ATP2C2: variants seen among roughly 807,000 people sequenced by gnomAD.
The protein encoded by ATP2C2 is ATPase secretory pathway Ca2+ transporting 2, also known as calcium-transporting ATPase type 2C member 2.
Under a neutral mutation model 110.8 loss-of-function variants are expected in ATP2C2, and 171 were observed. The observed-to-expected ratio is 1.54, with a 90% CI of 1.36 to 1.75. The LOEUF is 1.75. Among genes scored for constraint, ATP2C2 ranks in the 40% most tolerant of loss-of-function variants. The probability of loss-of-function intolerance (pLI) is 0.00; values close to 1 mark genes in which losing one functional copy is unlikely to be tolerated. For synonymous variants in ATP2C2, 804 were observed against 508.4 expected (o/e 1.58, Z -7.82); for missense variants, 1,963 against 1,235.0 (o/e 1.59, Z -8.84).
intron 11 of ATP2C2, among the ~76,000 whole-genome samples, chr16:84,431,612 C>T (rs934175612): frequency 6.6e-6 from 1 of 151,304 alleles, no homozygotes; most frequent in Admixed American, 6.6e-5. Flanking sequence ...GCAGGGGGAA[C>T]AGCACAGGCA....
intron 13 of ATP2C2, among the ~76,000 whole-genome samples, chr16:84,440,517 G>T (rs1318310017): frequency 3.3e-5 from 5 of 152,222 alleles, no homozygotes; most frequent in Non-Finnish European, 4.4e-5. Context: ...CCACGACAAA[G>T]GTGGTATGGG....
chr16:84,433,267 C>T (rs1908438995), intron 11 of ATP2C2, among the ~76,000 whole-genome samples: 1 of 151,974 alleles, frequency 6.6e-6, no homozygotes, highest in South Asian at 2.1e-4. Context: ...CTTGTAGCCC[C>T]AGCTACTTGG....
intron 10 of ATP2C2, among the ~76,000 whole-genome samples, chr16:84,424,282 T>C (rs892633045): frequency 6.6e-6 from 1 of 152,124 alleles, no homozygotes; most frequent in Admixed American, 6.5e-5. Context: ...TTCAGACATT[T>C]TTTTTGAGGG....
intron 10 of ATP2C2, among the ~76,000 whole-genome samples, chr16:84,424,538 A>T (rs1013674033): frequency 2.2e-4 from 33 of 148,844 alleles, no homozygotes; most frequent in Non-Finnish European, 4.1e-4. Flanking sequence ...TTGGCCTCCC[A>T]AAGTGCTAGG....
chr16:84,435,067 G>A (rs376714555), intron 11 of ATP2C2, among the ~76,000 whole-genome samples: 1 of 152,240 alleles, frequency 6.6e-6, no homozygotes, highest in Non-Finnish European at 1.5e-5. Context: ...GTCCATGCCT[G>A]TTGTATTGTC....
chr16:84,369,890 T>C (rs1462552067), intron 1 of ATP2C2, among the ~76,000 whole-genome samples: 2 of 152,246 alleles, frequency 1.3e-5, no homozygotes, highest in Non-Finnish European at 1.5e-5. Context: ...TCGATTTTTC[T>C]GAAGTGGCAT....
intron 14 of ATP2C2, 119 bp from the exon 15 acceptor site, chr16:84,442,391 G>C: frequency 1.1e-6 from 1 of 897,572 alleles, no homozygotes; most frequent in Non-Finnish European, 1.8e-6. Context: ...ACGCTGAGTT[G>C]TTTTAAAGAG....
chr16:84,448,664 G>T lies in ATP2C2; in HGVS notation c.1635G>T (p.Lys545Asn). Residue 545 changes from lysine (K) to asparagine (N), a missense_variant, in exon 17 of 27, where the codon AAG (lysine) becomes AAT (asparagine). Lys to Asn is a moderately conservative substitution (Grantham distance 94). Transcript: ENST00000262429. ...QQRSFCLQEE[K>N]RMGSLGLRVL... ...GGTCATTCTGCCTGCAGGAAGAGAA[G>T]AGGATGGGGTCGCTCGGTTTGCGGG... 6.2e-7 allele frequency: 1 copy of T among 1,613,894 alleles called. No individual in the cohort carries two copies. The highest frequency in any genetic ancestry group is 8.5e-7 in the Non-Finnish European group (1 of 1,179,908).
intron 1 of ATP2C2, among the ~76,000 whole-genome samples, chr16:84,387,466 T>G (rs1208797519): frequency 1.3e-5 from 2 of 151,878 alleles, no homozygotes; most frequent in Admixed American, 6.6e-5. Flanking sequence ...GAGCCGAGAT[T>G]GCGCCATTGC....
chr16:84,417,321 G>C (rs73243759), intron 7 of ATP2C2, among the ~76,000 whole-genome samples: 2,646 of 152,164 alleles, frequency 0.017, 92 homozygotes, highest in African/African-American at 0.06. Context: ...GGCGTGACTC[G>C]GGGAAGGAAT....
intron 7 of ATP2C2, among the ~76,000 whole-genome samples, chr16:84,416,978 G>T (rs247806): frequency 1.3e-5 from 2 of 152,156 alleles, no homozygotes; most frequent in Non-Finnish European, 2.9e-5. Flanking sequence ...ACACAGGTCC[G>T]CCACAAGGGC....
At chr16:84,417,763 G>C (rs2150536121) in intron 7 of ATP2C2, among the ~76,000 whole-genome samples, 1 of 152,304 alleles carries the variant, frequency 6.6e-6, no homozygotes, top group East Asian at 1.9e-4. Flanking sequence ...ATACCACGAA[G>C]GTTATTTTAA....
In ATP2C2 at chr16:84,422,463, T is replaced by A. The variant is rs777512574; in HGVS notation, c.698T>A (p.Leu233Ter). 1 of 1,614,134 alleles carries A rather than the reference T, an allele frequency of 6.2e-7. No homozygotes were observed. The highest frequency in any genetic ancestry group is 8.5e-7 in the Non-Finnish European group (1 of 1,180,018). Residue 233 changes from leucine to a stop codon, truncating the protein, a stop_gained, in exon 8 of 27, where the codon TTG becomes TAG. Coordinates refer to ENST00000262429, the MANE Select transcript of ATP2C2 (RefSeq NM_014861.4). LOFTEE classifies it high-confidence loss of function. Reference sequence around the variant, plus strand: ...CCATGTAGTAAAACAGACAGCCCCTTGACAGGCGGTGGGGACCTCACCACC... The same window carrying A: ...CCATGTAGTAAAACAGACAGCCCCTAGACAGGCGGTGGGGACCTCACCACC... ...AEPCSKTDSP[L>*]TGGGDLTTLS...
rs1911658643 is a variant in ATP2C2, at chr16:84,463,899, C to A, written c.*167C>A. The A allele has an allele frequency of 6.3e-6, 4 of 636,524 alleles. No individual in the cohort carries two copies. In the African/African-American group the frequency reaches 7.3e-5, roughly 12 times the overall value. The allele number at this position is 636,524 out of a possible 1,614,324, so 39.4% of individuals were successfully genotyped here. A position where few individuals can be genotyped will look rare whatever the true frequency, so the allele number is the denominator to read the frequency against. On this transcript the variant is annotated 3_prime_UTR_variant, in exon 27 of 27. Transcript: ENST00000262429. ...CAGGAACCTCGTGGGCTCCAGGGAC[C>A]CAGGCCCACATCCATCCAGCGTTCC... is the stretch of plus-strand genomic sequence containing the variant.
In ATP2C2 at chr16:84,462,020, G is replaced by A; in HGVS notation, c.2613G>A (p.Arg871=). Residue 871 remains arginine, a synonymous_variant, in exon 26 of 27, where the codon AGG becomes AGA. Coordinates refer to ENST00000262429, the MANE Select transcript of ATP2C2 (RefSeq NM_014861.4). The stretch of plus-strand genomic sequence containing the variant: ...TGATATTTGAGATCGGCTTTCTCAG[G>A]AACCACATGTTCCTCTACTCCGTCC... ...TKLIFEIGFL[R]NHMFLYSVLG... is the part of the protein sequence containing the mutation. The A allele has an allele frequency of 6.2e-7, 1 of 1,613,970 alleles. No individual in the cohort carries two copies. Among genetic ancestry groups the A allele is most frequent in the Non-Finnish European group, 8.5e-7 (1 of 1,179,888 alleles).
In ATP2C2 at chr16:84,453,205, G is replaced by A. The variant is rs777575546; in HGVS notation, c.1899G>A (p.Glu633=). The A allele has an allele frequency of 7.4e-6, 12 of 1,613,882 alleles. No homozygotes were observed. The highest frequency in any genetic ancestry group is 1.0e-5 in the Non-Finnish European group (12 of 1,179,780). The change falls in exon 19 of 27, where the codon GAG becomes GAA. Residue 633 remains glutamate (E), a synonymous_variant. Transcript: ENST00000262429. ...AMSGEEVDSV[E]KGELADRVGK... ...CCGGGGAGGAGGTGGACAGCGTGGA[G>A]AAGGGCGAGCTGGCCGACCGCGTGG... is the stretch of plus-strand genomic sequence containing the variant.
At chr16:84,419,685 C>T (rs1907156590) in intron 7 of ATP2C2, among the ~76,000 whole-genome samples, 1 of 152,114 alleles carries the variant, frequency 6.6e-6, no homozygotes, top group Admixed American at 6.5e-5. Context: ...CCACATCGCT[C>T]ATTCATTCAA....
At chr16:84,422,572 C>A in intron 8 of ATP2C2, 33 bp downstream of exon 8, 1 of 1,611,876 alleles carries the variant, frequency 6.2e-7, no homozygotes, top group Admixed American at 1.7e-5. Flanking sequence ...CTTGGGCTCC[C>A]GTAACCCACA....
intron 23 of ATP2C2, 146 bp downstream of exon 23, chr16:84,459,532 G>C (rs1213165075): frequency 1.3e-6 from 2 of 1,547,890 alleles, no homozygotes; most frequent in Non-Finnish European, 1.7e-6. Flanking sequence ...GAAGTGTGTT[G>C]CACTGCAGTG....
Sources: gnomAD v4.1 joint callset for allele counts (sites outside exome capture counted in the v4.1 genomes callset) on GRCh38, gnomAD v4.1.1 for gene constraint, MANE v1.5 for transcripts, NCBI Gene and HGNC (gene_info 2026-07-23, HGNC 2026-07-21) for gene names.